CDH12: variants seen among roughly 807,000 people sequenced by gnomAD.
The protein encoded by CDH12 is cadherin 12.
A neutral mutation model predicts 74.1 loss-of-function variants in CDH12; 41 were observed. The ratio of observed to expected loss-of-function variants is 0.55; its 90% confidence interval spans 0.43 to 0.72. The LOEUF is 0.72. Among genes scored for constraint, CDH12 ranks in the 30% least tolerant of loss-of-function variants. CDH12 has a pLI of 0.00. For synonymous variants in CDH12, 399 were observed against 355.0 expected (o/e 1.12, Z -1.39); for missense variants, 945 against 977.2 (o/e 0.97, Z 0.44).
At chr5:22,244,990 C>T (rs575419797) in intron 3 of CDH12, among the ~76,000 whole-genome samples, 39 of 152,148 alleles carry the variant, frequency 2.6e-4, no homozygotes, top group Middle Eastern at 3.4e-3. Flanking sequence ...AGTGAAGGGA[C>T]CTTGAAGCAG....
At chr5:22,607,220 A>G (rs571978197) in intron 1 of CDH12, among the ~76,000 whole-genome samples, 1 of 152,324 alleles carries the variant, frequency 6.6e-6, no homozygotes, top group South Asian at 2.1e-4. Context: ...AAATTTGCAT[A>G]AGTAATGAGG....
At chr5:21,852,007 G>A (rs543504668) in intron 7 of CDH12, among the ~76,000 whole-genome samples, 17 of 151,322 alleles carry the variant, frequency 1.1e-4, no homozygotes, top group East Asian at 3.9e-4. Flanking sequence ...TTTTTCATGC[G>A]TTTTATTTAA....
At chr5:22,303,869 T>C (rs762688820) in intron 3 of CDH12, among the ~76,000 whole-genome samples, 2 of 152,134 alleles carry the variant, frequency 1.3e-5, no homozygotes, top group South Asian at 2.1e-4. Flanking sequence ...GCTTGTATGA[T>C]AGCTCAGAGA....
chr5:22,731,231 G>T (rs1744417325), intron 1 of CDH12, among the ~76,000 whole-genome samples: 1 of 151,836 alleles, frequency 6.6e-6, no homozygotes, highest in Non-Finnish European at 1.5e-5. Context: ...ATTCTCATAT[G>T]CAATCAAGTT....
intron 2 of CDH12, among the ~76,000 whole-genome samples, chr5:22,414,709 T>G (rs1047640790): frequency 6.6e-6 from 1 of 151,908 alleles, no homozygotes; most frequent in Non-Finnish European, 1.5e-5. Context: ...ACATTGCATA[T>G]TATTAGTTAT....
intron 1 of CDH12, among the ~76,000 whole-genome samples, chr5:22,813,307 G>A (rs574777697): frequency 2.6e-5 from 4 of 152,224 alleles, no homozygotes; most frequent in African/African-American, 7.2e-5. Flanking sequence ...TGAAGTGCAA[G>A]TGTTTTGAAA....
intron 13 of CDH12, among the ~76,000 whole-genome samples, chr5:21,759,972 T>G (rs547833862): frequency 6.6e-6 from 1 of 152,164 alleles, no homozygotes. Context: ...TTGCTAAAGA[T>G]AATAGCCTCC....
At chr5:21,783,661 C>G (rs1746041850) in intron 10 of CDH12, among the ~76,000 whole-genome samples, 167 bp from the exon 11 acceptor site, 1 of 152,022 alleles carries the variant, frequency 6.6e-6, no homozygotes, top group Admixed American at 6.6e-5. Flanking sequence ...TCAGTATGCT[C>G]AAGGGGAAAC....
At chr5:22,464,552 C>T (rs936727289) in intron 2 of CDH12, among the ~76,000 whole-genome samples, 1 of 152,106 alleles carries the variant, frequency 6.6e-6, no homozygotes, top group Non-Finnish European at 1.5e-5. Flanking sequence ...TTGGAATTCC[C>T]TATAGTTCTG....
intron 1 of CDH12, among the ~76,000 whole-genome samples, chr5:22,632,349 C>A (rs1030882536): frequency 6.6e-6 from 1 of 151,940 alleles, no homozygotes; most frequent in African/African-American, 2.4e-5. Flanking sequence ...TGCGCTAATA[C>A]ATTAAATAAA....
intron 1 of CDH12, among the ~76,000 whole-genome samples, chr5:22,776,390 G>T (rs1747106260): frequency 6.6e-6 from 1 of 152,088 alleles, no homozygotes; most frequent in South Asian, 2.1e-4. Flanking sequence ...AATGATCCCT[G>T]TCCGTCCTTG....
intron 4 of CDH12, among the ~76,000 whole-genome samples, chr5:22,162,890 ACTTT>A (rs1449599846): frequency 1.0e-5 from 1 of 100,174 alleles, no homozygotes; most frequent in African/African-American, 3.6e-5. Context: ...CTTCCCTCTG[ACTTT>A]TTTTTTTTTT....
At chr5:22,672,905 A>G (rs1043239202) in intron 1 of CDH12, among the ~76,000 whole-genome samples, 16 of 152,282 alleles carry the variant, frequency 1.1e-4, no homozygotes, top group Admixed American at 8.5e-4. Context: ...TAAGTGTTCA[A>G]ATACCTTGCA....
chr5:22,825,475 T>C (rs550755197), intron 1 of CDH12, among the ~76,000 whole-genome samples: 1 of 152,214 alleles, frequency 6.6e-6, no homozygotes, highest in African/African-American at 2.4e-5. Context: ...CTGATAAAAA[T>C]ATGTTCTTGG....
At chr5:22,376,941 CA>C (rs1293258399) in intron 3 of CDH12, among the ~76,000 whole-genome samples, 4 of 152,044 alleles carry the variant, frequency 2.6e-5, no homozygotes, top group African/African-American at 9.6e-5. Context: ...AGCAGGTAAA[CA>C]GAAATTCAAA....
chr5:22,543,217 A>C (rs1738179629), intron 1 of CDH12, among the ~76,000 whole-genome samples: 1 of 152,164 alleles, frequency 6.6e-6, no homozygotes, highest in African/African-American at 2.4e-5. Flanking sequence ...GGGATAATAC[A>C]CATAAAACTT....
intron 4 of CDH12, among the ~76,000 whole-genome samples, chr5:22,106,232 GAGTTTACCTATGT>G (rs1215789683): frequency 2.6e-5 from 4 of 152,084 alleles, no homozygotes; most frequent in African/African-American, 9.7e-5. Flanking sequence ...CCGGTGACAT[GAGTTTACCTATGT>G]AACAAACCTT....
Position 21,755,642 on chromosome 5 carries a change from G to A in CDH12, c.1834C>T (p.Leu612Phe). 1 of 1,613,980 alleles carries A rather than the reference G, an allele frequency of 6.2e-7. No homozygotes were observed. Among genetic ancestry groups the A allele is most frequent in the South Asian group, 1.1e-5 (1 of 91,086 alleles). Residue 612 changes from leucine to phenylalanine, a missense_variant, in exon 14 of 15, where the codon CTT becomes TTT. Leu to Phe is a conservative substitution (Grantham distance 22, BLOSUM62 0). Coordinates refer to ENST00000382254, the MANE Select transcript of CDH12 (RefSeq NM_004061.5). Reference protein sequence around the residue: ...NVEAIFLPVGLSTGALIAILL... With the variant: ...NVEAIFLPVGFSTGALIAILL... The stretch of plus-strand genomic sequence containing the variant: ...ATTGCAATCAACGCCCCAGTGCTAA[G>A]TCCTACAGGTAGAAAAATTGCTTCC...
intron 1 of CDH12, among the ~76,000 whole-genome samples, chr5:22,832,698 G>C (rs1736671281): frequency 6.6e-6 from 1 of 152,048 alleles, no homozygotes; most frequent in African/African-American, 2.4e-5. Flanking sequence ...AAATATTACT[G>C]TTTCTTTCCT....
Sources: allele counts gnomAD v4.1 joint callset (sites outside exome capture counted in the v4.1 genomes callset), GRCh38; gene constraint gnomAD v4.1.1; transcripts MANE v1.5; gene names NCBI Gene and HGNC (gene_info 2026-07-23, HGNC 2026-07-21).